Variants in SUPT3H observed in about 807,000 individuals in gnomAD.
The protein encoded by SUPT3H is transcription initiation protein SPT3 homolog.
In SUPT3H, 44 loss-of-function variants were observed where a neutral mutation model predicts 44.3. The ratio of observed to expected loss-of-function variants is 0.99; its 90% CI spans 0.78 to 1.28. SUPT3H has a LOEUF of 1.28. Ranked by LOEUF, SUPT3H falls within the 50% of genes most tolerant of loss-of-function variation. The probability of loss-of-function intolerance (pLI) is 0.00; values close to 1 mark genes in which losing one functional copy is unlikely to be tolerated. For missense variants in SUPT3H, 380 were observed against 387.1 expected, an observed-to-expected ratio of 0.98 and a Z score of 0.15; for synonymous variants, 124 against 125.6, an observed-to-expected ratio of 0.99 and a Z score of 0.09.
chr6:45,025,229 A>G (rs1785782562), intron 3 of SUPT3H, among the ~76,000 whole-genome samples: 1 of 152,218 alleles, frequency 6.6e-6, no homozygotes, highest in Non-Finnish European at 1.5e-5. Context: ...TAATTTTCTC[A>G]GAAAAATAAG....
rs556877777 is a variant in SUPT3H, at chr6:45,364,993, A to T, written c.101+208T>A. ...CATTTATAAAGATGAACTAATACTC[A>T]TTTTTCAAATACAGTACCACTGTAG... On this transcript the variant is annotated intron_variant, in intron 2 of 10. Transcript: ENST00000371459. Among the ~76,000 whole-genome samples the T allele has an allele frequency of 7.9e-5, 12 of 152,240 alleles. No homozygotes were observed. The East Asian group carries it at 2.3e-3, about 29-fold the overall frequency.
intron 3 of SUPT3H, among the ~76,000 whole-genome samples, chr6:45,104,474 C>T (rs1167781379): frequency 6.7e-6 from 1 of 150,006 alleles, no homozygotes; most frequent in Non-Finnish European, 1.5e-5. Context: ...ATTCCACTAT[C>T]TTTCAAATCA....
At chr6:45,370,679 A>T (rs1795913049) in intron 1 of SUPT3H, among the ~76,000 whole-genome samples, 1 of 152,190 alleles carries the variant, frequency 6.6e-6, no homozygotes, top group Admixed American at 6.5e-5. Flanking sequence ...AATTGAAAAT[A>T]TCAAAACACC....
intron 2 of SUPT3H, among the ~76,000 whole-genome samples, chr6:45,249,604 C>T (rs1451295988): frequency 6.6e-6 from 1 of 152,100 alleles, no homozygotes; most frequent in African/African-American, 2.4e-5. Context: ...TGACAAAGTT[C>T]GGGACCTGAA....
At chr6:44,985,527 G>C (rs537784391) in intron 6 of SUPT3H, among the ~76,000 whole-genome samples, 12 of 152,210 alleles carry the variant, frequency 7.9e-5, no homozygotes, top group African/African-American at 2.6e-4. Flanking sequence ...ATGGTGGTTA[G>C]GTTCCCAAGT....
chr6:44,852,172 A>G (rs1296767009), intron 10 of SUPT3H, among the ~76,000 whole-genome samples: 1 of 152,204 alleles, frequency 6.6e-6, no homozygotes, highest in African/African-American at 2.4e-5. Context: ...TCAATTATTT[A>G]AAGTATTTAA....
At chr6:45,144,365 A>G (rs1805695959) in intron 2 of SUPT3H, among the ~76,000 whole-genome samples, 1 of 151,766 alleles carries the variant, frequency 6.6e-6, no homozygotes. Context: ...GGGTTTCAAT[A>G]AATGTGATAT....
intron 2 of SUPT3H, among the ~76,000 whole-genome samples, chr6:45,160,151 T>C (rs1437483779): frequency 6.6e-6 from 1 of 152,216 alleles, no homozygotes; most frequent in African/African-American, 2.4e-5. Context: ...TTCTCTTAAA[T>C]AGCCATTTGG....
chr6:44,934,017 A>G (rs1771011596), intron 9 of SUPT3H, among the ~76,000 whole-genome samples: 1 of 152,264 alleles, frequency 6.6e-6, no homozygotes, highest in Non-Finnish European at 1.5e-5. Flanking sequence ...AGTAGGTAGC[A>G]GATGGCAGGC....
intron 2 of SUPT3H, among the ~76,000 whole-genome samples, chr6:45,344,506 T>C (rs1356979962): frequency 6.6e-6 from 1 of 152,096 alleles, no homozygotes; most frequent in Non-Finnish European, 1.5e-5. Context: ...AGCCCATATA[T>C]GTACATTTTC....
chr6:45,110,184 T>A (rs906784811), intron 2 of SUPT3H, among the ~76,000 whole-genome samples: 3 of 152,192 alleles, frequency 2.0e-5, no homozygotes, highest in East Asian at 1.9e-4. Context: ...ATGCAAACAG[T>A]ATTGGCTTTA....
intron 2 of SUPT3H, among the ~76,000 whole-genome samples, chr6:45,276,455 G>GTCA (rs1311285626): frequency 5.9e-5 from 9 of 152,106 alleles, no homozygotes; most frequent in Non-Finnish European, 1.5e-5. Flanking sequence ...GGGTCTGTGA[G>GTCA]ATAGATTACA....
chr6:45,233,722 G>A (rs1768515904), intron 2 of SUPT3H, among the ~76,000 whole-genome samples: 2 of 152,126 alleles, frequency 1.3e-5, no homozygotes, highest in African/African-American at 4.8e-5. Flanking sequence ...TTGTCTATTT[G>A]TAATTTTAGC....
intron 2 of SUPT3H, among the ~76,000 whole-genome samples, chr6:45,317,646 G>T (rs1784904617): frequency 1.3e-5 from 2 of 152,026 alleles, no homozygotes; most frequent in Non-Finnish European, 2.9e-5. Flanking sequence ...ACATGCAGAA[G>T]AATAAAATTA....
At chr6:45,171,803 T>C (rs1401875556) in intron 2 of SUPT3H, among the ~76,000 whole-genome samples, 1 of 130,780 alleles carries the variant, frequency 7.6e-6, no homozygotes, top group Non-Finnish European at 1.6e-5. Context: ...CTGCAACCTC[T>C]GCCACCCAGG....
chr6:45,177,144 C>T (rs1273559910), intron 2 of SUPT3H, among the ~76,000 whole-genome samples: 1 of 152,048 alleles, frequency 6.6e-6, no homozygotes, highest in East Asian at 1.9e-4. Flanking sequence ...ACATTCAAAC[C>T]AAAGGCAAAG....
intron 2 of SUPT3H, among the ~76,000 whole-genome samples, chr6:45,199,552 T>A (rs1285017): frequency 6.6e-6 from 1 of 151,380 alleles, no homozygotes; most frequent in Non-Finnish European, 1.5e-5. Context: ...TCCAAAAGAC[T>A]ATTTTTCCTA....
chr6:45,259,269 G>C (rs7742723), intron 2 of SUPT3H, among the ~76,000 whole-genome samples: 3,893 of 152,002 alleles, frequency 0.026, 187 homozygotes, highest in African/African-American at 0.088. Flanking sequence ...TTGGGGGGGA[G>C]GGTGAATAAG....
chr6:45,328,640 G>T, intron 2 of SUPT3H: 1 of 1,610,142 alleles, frequency 6.2e-7, no homozygotes, highest in South Asian at 1.1e-5. Flanking sequence ...AACAAGGTTT[G>T]GGTATGGTTT....
Sources: allele counts gnomAD v4.1 joint callset (sites outside exome capture counted in the v4.1 genomes callset), GRCh38; gene constraint gnomAD v4.1.1; transcripts MANE v1.5; gene names NCBI Gene and HGNC (gene_info 2026-07-23, HGNC 2026-07-21).